AGBL1: variants seen among roughly 807,000 people sequenced by gnomAD.
The protein encoded by AGBL1 is cytosolic carboxypeptidase 4.
A neutral mutation model predicts 118.9 loss-of-function variants in AGBL1; 130 were observed. The observed-to-expected ratio is 1.09, with a 90% CI of 0.95 to 1.26. The LOEUF is 1.26. AGBL1 is among the 50% of genes most tolerant of loss of function. The pLI, the probability that AGBL1 is intolerant of heterozygous loss-of-function variation, is 0.00. For synonymous variants in AGBL1, 555 were observed against 478.9 expected, an observed-to-expected ratio of 1.16 and a Z score of -2.08; for missense variants, 1,584 against 1,298.1, an observed-to-expected ratio of 1.22 and a Z score of -3.38.
In AGBL1 at chr15:86,610,921, A is replaced by G. The variant is rs117870961; in HGVS notation, c.2994+56384A>G. On this transcript the variant is annotated intron_variant, in intron 21 of 22. Coordinates refer to ENST00000614907, the MANE Select transcript of AGBL1 (RefSeq NM_001386094.1). ...GTCTGCTCCCTGAACTTGCAGCTTCATTGTCACCTGGGAAATGTTAAAAGT... is the reference window on the plus strand; with the variant it reads ...GTCTGCTCCCTGAACTTGCAGCTTCGTTGTCACCTGGGAAATGTTAAAAGT... Among the ~76,000 whole-genome samples, 219 of 152,294 alleles carry G rather than the reference A, an allele frequency of 1.4e-3. 1 individual carries two copies. The South Asian group carries it at 0.018, about 13-fold the overall frequency.
chr15:86,423,092 C>A (rs189924314), intron 18 of AGBL1, among the ~76,000 whole-genome samples: 9 of 152,154 alleles, frequency 5.9e-5, no homozygotes, highest in Non-Finnish European at 1.3e-4. Context: ...TTTTATGAGG[C>A]CAGCATCATC....
intron 21 of AGBL1, among the ~76,000 whole-genome samples, chr15:86,580,513 T>C (rs2084158868): frequency 6.6e-6 from 1 of 152,040 alleles, no homozygotes; most frequent in African/African-American, 2.4e-5. Context: ...ATGCATATTT[T>C]TCTAGACTAG....
chr15:86,504,801 A>G (rs80205440), intron 18 of AGBL1, among the ~76,000 whole-genome samples: 4,879 of 151,816 alleles, frequency 0.032, 122 homozygotes, highest in African/African-American at 0.072. Context: ...ATCAGGGAAG[A>G]AATTTTATAA....
chr15:86,403,946 A>G (rs1332119407), intron 18 of AGBL1, among the ~76,000 whole-genome samples: 2 of 152,220 alleles, frequency 1.3e-5, no homozygotes, highest in Non-Finnish European at 2.9e-5. Context: ...CTAGTTCAAC[A>G]TGGAACTGGC....
At chr15:86,945,737 GAT>G (rs1339779544) in intron 23 of AGBL1, among the ~76,000 whole-genome samples, 2 of 152,130 alleles carry the variant, frequency 1.3e-5, no homozygotes, top group African/African-American at 4.8e-5. Flanking sequence ...ATAGTAGAAT[GAT>G]ATGTGTGTGC....
chr15:86,279,562 A>T, intron 15 of AGBL1, 77 bp from the exon 16 acceptor site: 1 of 1,420,216 alleles, frequency 7.0e-7, no homozygotes. Context: ...GATTTATAGC[A>T]TCTAGGACCC....
chr15:86,216,306 G>C (rs1029497607), intron 5 of AGBL1, among the ~76,000 whole-genome samples: 3 of 151,996 alleles, frequency 2.0e-5, no homozygotes, highest in Non-Finnish European at 4.4e-5. Context: ...ATGTTAAGCA[G>C]AGGTAGCAGA....
At chr15:86,566,318 G>A (rs2083913320) in intron 21 of AGBL1, among the ~76,000 whole-genome samples, 1 of 152,186 alleles carries the variant, frequency 6.6e-6, no homozygotes, top group Non-Finnish European at 1.5e-5. Context: ...AAAGTGCTCT[G>A]CTTTTAGAAC....
chr15:86,125,928 C>G (rs1597428091), intron 1 of AGBL1, among the ~76,000 whole-genome samples: 1 of 152,188 alleles, frequency 6.6e-6, no homozygotes, highest in Non-Finnish European at 1.5e-5. Context: ...AGAAGAGAAG[C>G]CTGATGTCCT....
At position 86,165,370 on chromosome 15, in the gene AGBL1, C is replaced by T. The variant is rs539185059; in HGVS notation, c.488+6344C>T. ...CTAGAAAAAATGTCCTGCTTCTCTT[C>T]TCCCTGCCCCCAAATCACTCACTGC... is the stretch of plus-strand genomic sequence containing the variant. On this transcript the variant is annotated intron_variant, in intron 5 of 22. Coordinates refer to ENST00000614907, the MANE Select transcript of AGBL1 (RefSeq NM_001386094.1). 2.8e-4 allele frequency among the ~76,000 whole-genome samples: 43 copies of T among 152,276 alleles called. 1 individual carries two copies. The South Asian group carries it at 8.5e-3, about 30-fold the overall frequency.
intron 18 of AGBL1, among the ~76,000 whole-genome samples, chr15:86,518,598 T>C (rs1281525668): frequency 6.6e-6 from 1 of 152,106 alleles, no homozygotes; most frequent in Non-Finnish European, 1.5e-5. Flanking sequence ...ACCTCAGTTT[T>C]AAGGATTTCC....
At chr15:86,257,736 A>G (rs117733698) in intron 8 of AGBL1, among the ~76,000 whole-genome samples, 1,623 of 152,272 alleles carry the variant, frequency 0.011, 22 homozygotes, top group Middle Eastern at 0.017. Context: ...TTTGCATTCA[A>G]TGTGGGATAA....
chr15:86,098,549 C>T (rs1896522018), intron 1 of AGBL1, among the ~76,000 whole-genome samples: 1 of 152,098 alleles, frequency 6.6e-6, no homozygotes, highest in Admixed American at 6.5e-5. Context: ...AGCTTTCCCA[C>T]CACCATTTGT....
chr15:86,518,563 A>C (rs367926417), intron 18 of AGBL1, among the ~76,000 whole-genome samples: 1 of 151,998 alleles, frequency 6.6e-6, no homozygotes, highest in African/African-American at 2.4e-5. Flanking sequence ...CTCTTTTCTT[A>C]AGGAAAAAGA....
intron 22 of AGBL1, among the ~76,000 whole-genome samples, chr15:86,750,463 T>A (rs1254636504): frequency 6.6e-6 from 1 of 150,624 alleles, no homozygotes; most frequent in Non-Finnish European, 1.5e-5. Context: ...CTGTGTAATC[T>A]TTTGTCTTAT....
At chr15:86,664,585 C>G (rs967521243) in intron 21 of AGBL1, among the ~76,000 whole-genome samples, 14 of 152,086 alleles carry the variant, frequency 9.2e-5, no homozygotes, top group African/African-American at 3.4e-4. Context: ...TATTTCTTCA[C>G]TAGACCTTTT....
At chr15:86,184,487 A>G (rs2077600724) in intron 5 of AGBL1, among the ~76,000 whole-genome samples, 1 of 151,246 alleles carries the variant, frequency 6.6e-6, no homozygotes, top group Admixed American at 6.6e-5. Context: ...GGAGTCTTAA[A>G]ATCATTTCCT....
intron 22 of AGBL1, among the ~76,000 whole-genome samples, chr15:86,722,923 T>C (rs1264555504): frequency 1.3e-5 from 2 of 152,190 alleles, no homozygotes; most frequent in Non-Finnish European, 1.5e-5. Flanking sequence ...TCACTGGCCA[T>C]CAGAGAAATG....
At chr15:86,212,058 C>T (rs997703950) in intron 5 of AGBL1, among the ~76,000 whole-genome samples, 1 of 152,108 alleles carries the variant, frequency 6.6e-6, no homozygotes, top group Non-Finnish European at 1.5e-5. Flanking sequence ...TGTAGTACAC[C>T]TTCTATGTGG....
Sources: allele counts gnomAD v4.1 joint callset (sites outside exome capture counted in the v4.1 genomes callset), GRCh38; gene constraint gnomAD v4.1.1; transcripts MANE v1.5; gene names NCBI Gene and HGNC (gene_info 2026-07-23, HGNC 2026-07-21).